Variants in GTF3C4 observed in about 807,000 individuals in gnomAD.
GTF3C4 encodes general transcription factor IIIC subunit 4, also known as general transcription factor 3C polypeptide 4.
GTF3C4 carries 28 observed loss-of-function variants against 67.5 expected under a neutral mutation model. The ratio of observed to expected loss-of-function variants is 0.41; its 90% CI spans 0.31 to 0.57. The LOEUF is 0.57. Among genes scored for constraint, GTF3C4 ranks in the 20% least tolerant of loss-of-function variants. The pLI is 0.21. For missense variants in GTF3C4, 831 were observed against 1,033.2 expected, an observed-to-expected ratio of 0.80 and a Z score of 2.68; for synonymous variants, 409 against 393.0, an observed-to-expected ratio of 1.04 and a Z score of -0.48.
chr9:132,686,145 A>T (rs1277524846), intron 3 of GTF3C4, among the ~76,000 whole-genome samples: 1 of 152,224 alleles, frequency 6.6e-6, no homozygotes, highest in Non-Finnish European at 1.5e-5. Flanking sequence ...GGCCTGGGGA[A>T]GTTAAATAAT....
chr9:132,676,764 G>A (rs762716558), intron 1 of GTF3C4, among the ~76,000 whole-genome samples: 10 of 152,254 alleles, frequency 6.6e-5, no homozygotes, highest in Non-Finnish European at 1.2e-4. Flanking sequence ...ATTCCTCTAG[G>A]CTTGAACATT....
chr9:132,674,004 CAATT>C (rs1835829777), intron 1 of GTF3C4, among the ~76,000 whole-genome samples: 1 of 152,114 alleles, frequency 6.6e-6, no homozygotes, highest in Non-Finnish European at 1.5e-5. Flanking sequence ...TATTGTGCAT[CAATT>C]GTTAGGAGCC....
chr9:132,680,430 T>G (rs1015449508), intron 2 of GTF3C4, among the ~76,000 whole-genome samples: 1 of 152,254 alleles, frequency 6.6e-6, no homozygotes, highest in African/African-American at 2.4e-5. Flanking sequence ...GAAAAGAAAC[T>G]GATACCTTTG....
chr9:132,685,044 TTGC>T (rs1346624169), intron 3 of GTF3C4, among the ~76,000 whole-genome samples: 3 of 149,102 alleles, frequency 2.0e-5, no homozygotes, highest in African/African-American at 7.5e-5. Flanking sequence ...AGACAGGGTC[TTGC>T]TGTATTGCCC....
At chr9:132,674,605 T>C (rs1835837970) in intron 1 of GTF3C4, among the ~76,000 whole-genome samples, 1 of 152,248 alleles carries the variant, frequency 6.6e-6, no homozygotes, top group South Asian at 2.1e-4. Context: ...TAACCTATTC[T>C]AAGGAGTATT....
intron 4 of GTF3C4, 72 bp from the exon 5 acceptor site, chr9:132,688,809 A>G: frequency 9.2e-7 from 1 of 1,090,696 alleles, no homozygotes; most frequent in Admixed American, 1.7e-5. Context: ...TCAACGCTAC[A>G]GTCCGGTATT....
intron 3 of GTF3C4, 38 bp from the exon 4 acceptor site, chr9:132,687,201 A>G: frequency 8.8e-7 from 1 of 1,134,170 alleles, no homozygotes; most frequent in Non-Finnish European, 1.3e-6. Flanking sequence ...TAGTAGAGCA[A>G]ACCCTCTCCC....
At chr9:132,672,671 A>AT (rs1473175022) in intron 1 of GTF3C4, among the ~76,000 whole-genome samples, 8 of 152,210 alleles carry the variant, frequency 5.3e-5, no homozygotes, top group Non-Finnish European at 1.5e-5. Flanking sequence ...TTTCATTAGC[A>AT]TAGAGTGACC....
rs1325344952 is a variant in GTF3C4, at chr9:132,691,225, T to G, written c.*2280T>G. ...CTACAGAGCTGGGGAAACAGGAGAT[T>G]TTGAGTTAATGGCAGCCTCACAAAT... On this transcript the variant is annotated 3_prime_UTR_variant, in exon 5 of 5. Coordinates refer to ENST00000372146, the MANE Select transcript of GTF3C4 (RefSeq NM_012204.4). The G allele has an allele frequency of 2.6e-5, 4 of 152,390 alleles. No individual in the cohort carries two copies. The East Asian group carries it at 7.7e-4, about 29-fold the overall frequency. 9.4% of individuals were successfully genotyped at this position (152,390 alleles called of 1,614,324 possible).
chr9:132,672,499 G>T (rs933824975), intron 1 of GTF3C4, among the ~76,000 whole-genome samples: 1 of 148,602 alleles, frequency 6.7e-6, no homozygotes, highest in African/African-American at 2.4e-5. Flanking sequence ...TTTAAGTCAT[G>T]AACATAATTA....
At chr9:132,685,176 G>A (rs926299176) in intron 3 of GTF3C4, among the ~76,000 whole-genome samples, 8 of 151,672 alleles carry the variant, frequency 5.3e-5, no homozygotes, top group Admixed American at 3.3e-4. Flanking sequence ...CACCACACCC[G>A]GCTAATTTTT....
rs1836045728 is a variant in GTF3C4, at chr9:132,687,275, A to G, written c.2352A>G (p.Ile784Met). The G allele has an allele frequency of 7.1e-7, 1 of 1,399,548 alleles. No individual in the cohort carries two copies. The highest frequency in any genetic ancestry group is 1.5e-5 in the African/African-American group (1 of 67,002). The allele number at this position is 1,399,548 out of a possible 1,614,324, so 86.7% of individuals were successfully genotyped here. The stretch of plus-strand genomic sequence containing the variant: ...CCTACCAGTCCTGCCAGAGTTTGAT[A>G]TATAGAAGGTGTTTGCTCCATGACA... Reference protein sequence around the residue: ...FLTYQSCQSLIYRRCLLHDSI... With the variant: ...FLTYQSCQSLMYRRCLLHDSI... The change falls in exon 4 of 5, where the codon ATA becomes ATG. Residue 784 changes from isoleucine (I) to methionine (M), a missense_variant. By Grantham distance (10) the Ile-to-Met change is conservative. This residue lies in a region of GTF3C4 where 129 missense variants were observed against 213.8 expected (regional missense o/e 0.60). Coordinates refer to ENST00000372146, the MANE Select transcript of GTF3C4 (RefSeq NM_012204.4).
At chr9:132,682,595 C>CTT (rs34962674) in intron 2 of GTF3C4, among the ~76,000 whole-genome samples, 11,765 of 92,476 alleles carry the variant, frequency 0.13, 1,947 homozygotes, top group African/African-American at 0.32. Flanking sequence ...ACAGTATAAT[C>CTT]TTTTTTTTTT....
chr9:132,676,745 T>C (rs1835870269), intron 1 of GTF3C4, among the ~76,000 whole-genome samples: 1 of 152,214 alleles, frequency 6.6e-6, no homozygotes, highest in Non-Finnish European at 1.5e-5. Flanking sequence ...TTCTGTGTCC[T>C]GGAGGGTAAT....
intron 1 of GTF3C4, among the ~76,000 whole-genome samples, chr9:132,676,580 C>T (rs1309094791): frequency 3.3e-5 from 5 of 152,050 alleles, no homozygotes; most frequent in Non-Finnish European, 7.4e-5. Flanking sequence ...CTCGGCCTCC[C>T]AAAGTGCTGG....
chr9:132,670,699 A>C lies in GTF3C4; in HGVS notation c.101A>C (p.Glu34Ala). 6.6e-7 allele frequency: 1 copy of C among 1,523,094 alleles called. No individual in the cohort carries two copies. Among genetic ancestry groups the C allele is most frequent in the Non-Finnish European group, 8.8e-7 (1 of 1,142,260 alleles). The allele number at this position is 1,523,094 out of a possible 1,614,324, so 94.3% of individuals were successfully genotyped here. Residue 34 changes from glutamate to alanine, a missense_variant, in exon 1 of 5, where the codon GAG becomes GCG. Physicochemically the swap from Glu to Ala is moderately radical, Grantham distance 107. Around this residue, in one of 4 missense-constraint regions of GTF3C4, gnomAD observed 237 missense variants for 212.7 expected, o/e 1.11. Transcript: ENST00000372146. ...GEGGGEAGGK[E>A]PAADAAPGPS... ...GGGGGCGGCGAGGCGGGCGGGAAGG[A>C]GCCAGCAGCGGACGCGGCCCCGGGG... is the stretch of plus-strand genomic sequence containing the variant.
chr9:132,687,909 A>G (rs1163404314), intron 4 of GTF3C4, among the ~76,000 whole-genome samples: 3 of 152,312 alleles, frequency 2.0e-5, no homozygotes, highest in South Asian at 2.1e-4. Context: ...TTAATAATGC[A>G]CTCTAACCAA....
In GTF3C4 at chr9:132,677,984, C is replaced by T; in HGVS notation, c.365C>T (p.Ser122Leu). 6.3e-7 allele frequency: 1 copy of T among 1,592,358 alleles called. No homozygotes were observed. Among genetic ancestry groups the T allele is most frequent in the Non-Finnish European group, 8.5e-7 (1 of 1,171,062 alleles). The change falls in exon 2 of 5, where the codon TCA (serine) becomes TTA (leucine). Residue 122 changes from serine to leucine, a missense_variant. By Grantham distance (145) the Ser-to-Leu change is moderately radical. Around this residue, in one of 4 missense-constraint regions of GTF3C4, gnomAD observed 237 missense variants for 212.7 expected, o/e 1.11. Transcript: ENST00000372146. ...PLNSCLLKVG[S>L]KTEVAECKEK... Reference sequence around the variant, plus strand: ...TATATCTCTTATTTTCAGGTTGGCTCAAAAACAGAAGTTGCTGAGTGCAAG... The same window carrying T: ...TATATCTCTTATTTTCAGGTTGGCTTAAAAACAGAAGTTGCTGAGTGCAAG...
intron 1 of GTF3C4, among the ~76,000 whole-genome samples, chr9:132,673,066 C>G (rs1011696654): frequency 1.3e-5 from 2 of 152,148 alleles, no homozygotes; most frequent in African/African-American, 4.8e-5. Context: ...CGCCTGTAGT[C>G]CTAGCTACTG....
Sources: allele counts gnomAD v4.1 joint callset (sites outside exome capture counted in the v4.1 genomes callset), GRCh38; gene constraint gnomAD v4.1.1; regional missense constraint gnomAD v4.1.1; transcripts MANE v1.5; gene names NCBI Gene and HGNC (gene_info 2026-07-23, HGNC 2026-07-21).